PRDM5: variants seen among roughly 807,000 people sequenced by gnomAD.
PRDM5 encodes the protein PR domain zinc finger protein 5.
In PRDM5, 56 loss-of-function variants were observed where a neutral mutation model predicts 81.2. The ratio of observed to expected loss-of-function variants is 0.69; its 90% CI spans 0.56 to 0.86. The LOEUF is 0.86. Among genes scored for constraint, PRDM5 ranks in the 40% least tolerant of loss-of-function variants. PRDM5 has a pLI of 0.00. For missense variants in PRDM5, 697 were observed against 770.1 expected (o/e 0.91, Z 1.12); for synonymous variants, 267 against 256.4 (o/e 1.04, Z -0.39).
intron 14 of PRDM5, among the ~76,000 whole-genome samples, chr4:120,724,870 G>A (rs149084627): frequency 1.9e-4 from 29 of 152,254 alleles, no homozygotes; most frequent in Admixed American, 3.9e-4. Context: ...ATCAAGGAGC[G>A]GGCAGAAGTC....
intron 15 of PRDM5, among the ~76,000 whole-genome samples, chr4:120,699,168 ATATATATATATAT>A (rs1734961392): frequency 2.1e-4 from 6 of 29,180 alleles, no homozygotes; most frequent in Admixed American, 8.9e-4. Context: ...ATAAATATAT[ATATATATATATAT>A]ATATATATAT....
chr4:120,775,126 T>C (rs1254101209), intron 13 of PRDM5, among the ~76,000 whole-genome samples: 1 of 151,476 alleles, frequency 6.6e-6, no homozygotes, highest in African/African-American at 2.4e-5. Context: ...CCAAATTTAA[T>C]AGGCCAGAAT....
chr4:120,889,901 T>C (rs1763858150), intron 2 of PRDM5, among the ~76,000 whole-genome samples: 1 of 152,216 alleles, frequency 6.6e-6, no homozygotes. Context: ...TTTTTATGGC[T>C]GCATAGTATT....
chr4:120,789,445 C>A (rs1750255360), intron 10 of PRDM5, among the ~76,000 whole-genome samples: 1 of 152,196 alleles, frequency 6.6e-6, no homozygotes, highest in South Asian at 2.1e-4. Flanking sequence ...AAAAGTATTT[C>A]TTGGTAATGG....
At chr4:120,812,777 T>C (rs1754019327) in intron 7 of PRDM5, 1 of 413,922 alleles carries the variant, frequency 2.4e-6, no homozygotes, top group South Asian at 1.8e-5. Flanking sequence ...ACCTTTCTCA[T>C]ATATAAAACA....
At chr4:120,818,568 C>G in intron 4 of PRDM5, 41 bp from the exon 5 acceptor site, 1 of 1,555,680 alleles carries the variant, frequency 6.4e-7, no homozygotes, top group Non-Finnish European at 8.9e-7. Context: ...GACAAAAATT[C>G]AGAGCCAAGA....
At chr4:120,753,361 A>G (rs1744275760) in intron 14 of PRDM5, among the ~76,000 whole-genome samples, 3 of 152,204 alleles carry the variant, frequency 2.0e-5, no homozygotes, top group Admixed American at 2.0e-4. Context: ...AAGTACTTTT[A>G]TATCTAGGAA....
intron 14 of PRDM5, among the ~76,000 whole-genome samples, chr4:120,727,299 A>G (rs1739563563): frequency 1.9e-5 from 2 of 106,374 alleles, no homozygotes. Context: ...AGATGTATGT[A>G]TATATGTGTG....
intron 7 of PRDM5, among the ~76,000 whole-genome samples, chr4:120,812,201 G>C (rs1384116945): frequency 1.3e-5 from 2 of 152,074 alleles, no homozygotes; most frequent in Admixed American, 6.6e-5. Flanking sequence ...TGGACACTTA[G>C]GTTGATTCCA....
Position 120,764,503 on chromosome 4 carries a change from G to T in PRDM5, c.1538-9865C>A, listed in dbSNP as rs1051535036. ...ATAGATAATCATATTACTAATGAAA[G>T]CCAAAATGAATGTCTGTCTCTTAAG... On this transcript the variant is annotated intron_variant, in intron 13 of 15. Coordinates refer to ENST00000264808, the MANE Select transcript of PRDM5 (RefSeq NM_018699.4). Among the ~76,000 whole-genome samples the T allele has an allele frequency of 5.9e-5, 9 of 151,948 alleles. No individual in the cohort carries two copies. In the East Asian group the frequency reaches 1.7e-3, roughly 29 times the overall value.
intron 14 of PRDM5, among the ~76,000 whole-genome samples, chr4:120,719,956 C>T (rs1738348775): frequency 8.7e-6 from 1 of 114,474 alleles, no homozygotes; most frequent in Admixed American, 1.0e-4. Flanking sequence ...AACATTGAAC[C>T]ATCTCAGAAG....
intron 13 of PRDM5, among the ~76,000 whole-genome samples, chr4:120,772,738 T>G (rs1377823787): frequency 6.6e-6 from 1 of 152,210 alleles, no homozygotes; most frequent in Non-Finnish European, 1.5e-5. Context: ...TCAAGAGTAT[T>G]TGTTCCCTAA....
At chr4:120,806,666 A>T (rs534316023) in intron 8 of PRDM5, among the ~76,000 whole-genome samples, 15 of 152,328 alleles carry the variant, frequency 9.8e-5, no homozygotes, top group African/African-American at 3.4e-4. Context: ...CTGAAACTGG[A>T]TCCCTTCCTT....
At chr4:120,821,631 A>C (rs986294415) in intron 3 of PRDM5, among the ~76,000 whole-genome samples, 1 of 152,156 alleles carries the variant, frequency 6.6e-6, no homozygotes, top group Middle Eastern at 3.2e-3. Flanking sequence ...TGCAAGCAAC[A>C]CTTTGTGGTG....
At chr4:120,792,700 T>C (rs1750754191) in intron 10 of PRDM5, among the ~76,000 whole-genome samples, 1 of 152,144 alleles carries the variant, frequency 6.6e-6, no homozygotes, top group Admixed American at 6.5e-5. Flanking sequence ...ATGTGGTATA[T>C]AGACACAATG....
intron 3 of PRDM5, among the ~76,000 whole-genome samples, chr4:120,852,738 C>A (rs560587282): frequency 2.0e-5 from 3 of 149,902 alleles, no homozygotes; most frequent in African/African-American, 7.3e-5. Context: ...TATATACACA[C>A]AACCATATAT....
chr4:120,842,096 A>G (rs2149394612), intron 3 of PRDM5, among the ~76,000 whole-genome samples: 1 of 152,310 alleles, frequency 6.6e-6, no homozygotes, highest in Non-Finnish European at 1.5e-5. Flanking sequence ...CTGGTTGTTA[A>G]TCAACAGAGT....
intron 2 of PRDM5, among the ~76,000 whole-genome samples, chr4:120,893,356 C>G (rs534235971): frequency 1.3e-5 from 2 of 152,348 alleles, no homozygotes; most frequent in Non-Finnish European, 2.9e-5. Context: ...CCCCACATGG[C>G]TTCTCAGATG....
intron 13 of PRDM5, among the ~76,000 whole-genome samples, chr4:120,764,410 C>T (rs1746080340): frequency 6.6e-6 from 1 of 152,104 alleles, no homozygotes; most frequent in South Asian, 2.1e-4. Flanking sequence ...CTATGACAAA[C>T]TTTGACATAG....
Sources: allele counts gnomAD v4.1 joint callset (sites outside exome capture counted in the v4.1 genomes callset), GRCh38; gene constraint gnomAD v4.1.1; transcripts MANE v1.5; gene names NCBI Gene and HGNC (gene_info 2026-07-23, HGNC 2026-07-21).